Variants in NXPH1 observed in about 807,000 individuals in gnomAD.
NXPH1 encodes neurexophilin-1.
A neutral mutation model predicts 23.7 loss-of-function variants in NXPH1; 5 were observed. That is an observed-to-expected ratio of 0.21 (90% CI 0.11 to 0.44). The LOEUF (loss-of-function observed/expected upper bound fraction) is 0.44. Ranked by LOEUF, NXPH1 falls within the 20% of genes least tolerant of loss-of-function variation. The pLI is 0.99. For missense variants in NXPH1, 324 were observed against 321.6 expected, an observed-to-expected ratio of 1.01 and a Z score of -0.06; for synonymous variants, 144 against 122.2, an observed-to-expected ratio of 1.18 and a Z score of -1.18.
rs1427409762 is a variant in NXPH1 at position 8,492,257 on chromosome 7, C to A, written c.54+56490C>A. On this transcript the variant is annotated intron_variant, in intron 2 of 2. Transcript: ENST00000405863. ...TATTCCTACGTTTTGACGTGCTAAT[C>A]TTGTTACTTGCCTTATCCATGATGT... 1.3e-5 allele frequency among the ~76,000 whole-genome samples: 2 copies of A among 152,008 alleles called. 1 individual carries two copies. The highest frequency in any genetic ancestry group is 3.9e-4 in the East Asian group (2 of 5,168).
rs544849515 is a variant in NXPH1 at position 8,599,298 on chromosome 7, C to T, written c.55-151710C>T. Among the ~76,000 whole-genome samples the T allele has an allele frequency of 5.9e-5, 9 of 152,244 alleles. No homozygotes were observed. The East Asian group carries it at 1.5e-3, about 26-fold the overall frequency. On this transcript the variant is annotated intron_variant, in intron 2 of 2. Coordinates refer to ENST00000405863, the MANE Select transcript of NXPH1 (RefSeq NM_152745.3). ...GATGAGAGAATGCCATCAGCACTCACGAAGGTCATTACGCTCTACGATTTC... is the reference window on the plus strand; with the variant it reads ...GATGAGAGAATGCCATCAGCACTCATGAAGGTCATTACGCTCTACGATTTC...
At chr7:8,516,240 C>T (rs553786258) in intron 2 of NXPH1, among the ~76,000 whole-genome samples, 1 of 152,188 alleles carries the variant, frequency 6.6e-6, no homozygotes, top group South Asian at 2.1e-4. Context: ...TACTATATCT[C>T]TTTCCTCCCG....
At position 8,614,007 on chromosome 7, in the gene NXPH1, G is replaced by A. The variant is rs539566786; in HGVS notation, c.55-137001G>A. Among the ~76,000 whole-genome samples, 3 of 151,826 alleles carry A rather than the reference G, an allele frequency of 2.0e-5. No homozygotes were observed. The East Asian group carries it at 5.8e-4, about 29-fold the overall frequency. ...TTATGGTTTTGTGTCTGTCCATAAT[G>A]TTTTTATAAAAGTGAGAGTATACTA... On this transcript the variant is annotated intron_variant, in intron 2 of 2. Transcript: ENST00000405863.
chr7:8,487,421 G>A (rs1421692257), intron 2 of NXPH1, among the ~76,000 whole-genome samples: 2 of 152,064 alleles, frequency 1.3e-5, no homozygotes. Flanking sequence ...CTCCTCATTT[G>A]CCTTCTTCCT....
intron 2 of NXPH1, among the ~76,000 whole-genome samples, chr7:8,618,884 A>C (rs993161812): frequency 2.6e-5 from 4 of 152,210 alleles, no homozygotes; most frequent in African/African-American, 7.2e-5. Flanking sequence ...TGTGTGCTGC[A>C]ATTGAAGTTA....
At chr7:8,743,896 G>C (rs1238858013) in intron 2 of NXPH1, among the ~76,000 whole-genome samples, 1 of 152,012 alleles carries the variant, frequency 6.6e-6, no homozygotes, top group Non-Finnish European at 1.5e-5. Context: ...GTGTTAGCCA[G>C]GATGGTCTCT....
intron 2 of NXPH1, among the ~76,000 whole-genome samples, chr7:8,507,202 A>G (rs1817541946): frequency 6.6e-6 from 1 of 151,556 alleles, no homozygotes; most frequent in Non-Finnish European, 1.5e-5. Context: ...GCGTGGGGAG[A>G]AGGAAGTGTC....
chr7:8,552,806 AT>A (rs1416378730), intron 2 of NXPH1, among the ~76,000 whole-genome samples: 1 of 151,524 alleles, frequency 6.6e-6, no homozygotes, highest in Non-Finnish European at 1.5e-5. Context: ...ATCTGCTTGT[AT>A]TTGCTCTTTG....
chr7:8,485,107 G>A (rs1817137059), intron 2 of NXPH1, among the ~76,000 whole-genome samples: 1 of 152,152 alleles, frequency 6.6e-6, no homozygotes, highest in Non-Finnish European at 1.5e-5. Context: ...CATGTCATGG[G>A]AGGGACCCGG....
At chr7:8,546,069 A>G (rs992849502) in intron 2 of NXPH1, among the ~76,000 whole-genome samples, 1 of 151,536 alleles carries the variant, frequency 6.6e-6, no homozygotes. Flanking sequence ...TAATTATGCA[A>G]CTTATAAATT....
chr7:8,569,984 T>C (rs1294192571), intron 2 of NXPH1, among the ~76,000 whole-genome samples: 1 of 151,874 alleles, frequency 6.6e-6, no homozygotes, highest in Non-Finnish European at 1.5e-5. Flanking sequence ...TATGACAATG[T>C]ATGTAAAATA....
intron 2 of NXPH1, among the ~76,000 whole-genome samples, chr7:8,545,420 G>A (rs1385225279): frequency 1.3e-5 from 2 of 151,316 alleles, no homozygotes; most frequent in Non-Finnish European, 3.0e-5. Context: ...TTAGAAAAAT[G>A]CCTCAACTGA....
intron 2 of NXPH1, among the ~76,000 whole-genome samples, chr7:8,535,005 T>A (rs1433150909): frequency 6.6e-6 from 1 of 152,006 alleles, no homozygotes; most frequent in East Asian, 1.9e-4. Flanking sequence ...TTGCTTTGTT[T>A]ACATATCATT....
intron 2 of NXPH1, among the ~76,000 whole-genome samples, chr7:8,445,264 C>G (rs919095605): frequency 3.3e-5 from 5 of 152,324 alleles, no homozygotes; most frequent in African/African-American, 1.2e-4. Flanking sequence ...ACAGTCAAGC[C>G]TCTTTAAAGA....
chr7:8,723,808 A>G (rs1453799349), intron 2 of NXPH1, among the ~76,000 whole-genome samples: 1 of 151,890 alleles, frequency 6.6e-6, no homozygotes, highest in African/African-American at 2.4e-5. Flanking sequence ...TGTAGATAGG[A>G]TTCCAGGAAG....
intron 2 of NXPH1, among the ~76,000 whole-genome samples, chr7:8,661,598 C>G (rs935921315): frequency 4.6e-5 from 7 of 152,048 alleles, no homozygotes; most frequent in Non-Finnish European, 1.0e-4. Flanking sequence ...TGTCTGTATT[C>G]TCTCCCTTGG....
At chr7:8,733,692 T>A (rs1780197692) in intron 2 of NXPH1, among the ~76,000 whole-genome samples, 1 of 152,216 alleles carries the variant, frequency 6.6e-6, no homozygotes, top group African/African-American at 2.4e-5. Flanking sequence ...TCGAGAAGTG[T>A]CTGTTCATAT....
At chr7:8,624,432 A>G (rs1219628423) in intron 2 of NXPH1, among the ~76,000 whole-genome samples, 1 of 152,180 alleles carries the variant, frequency 6.6e-6, no homozygotes, top group Non-Finnish European at 1.5e-5. Flanking sequence ...AAATCATGAA[A>G]TTGGATGAAA....
chr7:8,457,493 A>C (rs1049562074), intron 2 of NXPH1, among the ~76,000 whole-genome samples: 6 of 151,094 alleles, frequency 4.0e-5, no homozygotes, highest in African/African-American at 1.2e-4. Flanking sequence ...AGTCACATAC[A>C]CTTCTTTTTT....
Sources: gnomAD v4.1 joint callset for allele counts (sites outside exome capture counted in the v4.1 genomes callset) on GRCh38, gnomAD v4.1.1 for gene constraint, MANE v1.5 for transcripts, NCBI Gene and HGNC (gene_info 2026-07-23, HGNC 2026-07-21) for gene names.